Variants in TTL observed in about 807,000 individuals in gnomAD.
TTL encodes tubulin tyrosine ligase.
In TTL, 10 loss-of-function variants were observed where a neutral mutation model predicts 41.1. That is an observed-to-expected ratio of 0.24 (90% CI 0.15 to 0.41). The LOEUF (loss-of-function observed/expected upper bound fraction) is 0.41. Among genes scored for constraint, TTL ranks in the 10% least tolerant of loss-of-function variants. TTL has a pLI of 1.00. For synonymous variants in TTL, 175 were observed against 175.5 expected, an observed-to-expected ratio of 1.00 and a Z score of 0.02; for missense variants, 367 against 460.4, an observed-to-expected ratio of 0.80 and a Z score of 1.86.
rs1282713631 is a variant in TTL at position 112,531,431 on chromosome 2, C to T, written c.*2636C>T. 1 of 229,598 alleles carries T rather than the reference C, an allele frequency of 4.4e-6. No individual in the cohort carries two copies. The highest frequency in any genetic ancestry group is 8.6e-6 in the Non-Finnish European group (1 of 115,640). The allele number at this position is 229,598 out of a possible 1,614,324, so 14.2% of individuals were successfully genotyped here. On this transcript the variant is annotated 3_prime_UTR_variant, in exon 7 of 7. Coordinates refer to ENST00000233336, the MANE Select transcript of TTL (RefSeq NM_153712.5). ...AGATCATTGCCTGACCCAGGGACTA[C>T]CTCAAGGGCTTTTGATGAGGACAAG...
At chr2:112,509,352 G>A (rs1681859058) in intron 5 of TTL, among the ~76,000 whole-genome samples, 1 of 151,980 alleles carries the variant, frequency 6.6e-6, no homozygotes, top group African/African-American at 2.4e-5. Flanking sequence ...CCCAGTTCGA[G>A]CTTCCTGGCT....
chr2:112,516,517 T>TA (rs1397078049), intron 5 of TTL, among the ~76,000 whole-genome samples: 1 of 152,104 alleles, frequency 6.6e-6, no homozygotes, highest in Non-Finnish European at 1.5e-5. Flanking sequence ...CTACTAAAAA[T>TA]ACAAAAATTA....
intron 2 of TTL, among the ~76,000 whole-genome samples, chr2:112,488,289 A>G (rs1011624301): frequency 8.5e-5 from 13 of 152,186 alleles, no homozygotes; most frequent in Non-Finnish European, 1.6e-4. Context: ...TGGGCCCATG[A>G]GGAAATGGGA....
intron 2 of TTL, among the ~76,000 whole-genome samples, chr2:112,490,043 C>G (rs58956595): frequency 0.16 from 23,949 of 152,126 alleles, 2,179 homozygotes; most frequent in East Asian, 0.3. Flanking sequence ...TCTTCTGTTT[C>G]CATGAACTGG....
intron 2 of TTL, among the ~76,000 whole-genome samples, chr2:112,489,529 A>G (rs1681326535): frequency 6.6e-6 from 1 of 152,266 alleles, no homozygotes; most frequent in Non-Finnish European, 1.5e-5. Flanking sequence ...TTAGTTTGAT[A>G]CTGTAAATAT....
At position 112,528,946 on chromosome 2, in the gene TTL, G is replaced by T. The variant is rs1682437105; in HGVS notation, c.*151G>T. The T allele has an allele frequency of 1.5e-6, 1 of 665,150 alleles. No homozygotes were observed. The highest frequency in any genetic ancestry group is 2.7e-6 in the Non-Finnish European group (1 of 373,566). The allele number at this position is 665,150 out of a possible 1,614,324, so 41.2% of individuals were successfully genotyped here. ...GGAAGAAGGCACGTGAGCAGAGGAG[G>T]CAGCTCCCAAAGAGAGGGCTGCTCA... On this transcript the variant is annotated 3_prime_UTR_variant, in exon 7 of 7. Coordinates refer to ENST00000233336, the MANE Select transcript of TTL (RefSeq NM_153712.5).
intron 1 of TTL, 38 bp from the exon 2 acceptor site, chr2:112,485,879 G>A (rs1559009095): frequency 6.3e-7 from 1 of 1,580,054 alleles, no homozygotes; most frequent in East Asian, 2.2e-5. Context: ...TGCTTGCTGT[G>A]TCCTGTGTCC....
intron 3 of TTL, among the ~76,000 whole-genome samples, chr2:112,495,623 G>A (rs574452348): frequency 3.8e-4 from 58 of 152,198 alleles, no homozygotes; most frequent in African/African-American, 1.3e-3. Flanking sequence ...CGAGGCGGGC[G>A]GATCACAAGG....
At chr2:112,515,215 C>T (rs1040419009) in intron 5 of TTL, among the ~76,000 whole-genome samples, 1 of 152,076 alleles carries the variant, frequency 6.6e-6, no homozygotes, top group Admixed American at 6.6e-5. Flanking sequence ...CCAGAGTATG[C>T]CCTGTGTATG....
At chr2:112,520,518 G>C in intron 6 of TTL, 93 bp downstream of exon 6, 1 of 1,516,492 alleles carries the variant, frequency 6.6e-7, no homozygotes, top group Non-Finnish European at 9.0e-7. Flanking sequence ...TTTGACTGCT[G>C]TGAGGGAGGA....
intron 5 of TTL, among the ~76,000 whole-genome samples, chr2:112,510,619 G>A (rs1445572540): frequency 6.6e-6 from 1 of 151,896 alleles, no homozygotes; most frequent in Non-Finnish European, 1.5e-5. Flanking sequence ...TTACAGGCAT[G>A]TGCCACCATG....
At chr2:112,498,662 G>T (rs1681602827) in intron 3 of TTL, among the ~76,000 whole-genome samples, 1 of 151,730 alleles carries the variant, frequency 6.6e-6, no homozygotes, top group African/African-American at 2.4e-5. Flanking sequence ...CCAGCACTTT[G>T]GGAGGCCAAG....
chr2:112,528,679 A>G lies in TTL; in HGVS notation c.1020-2A>G. On this transcript the variant is annotated splice_acceptor_variant, in intron 6 of 6. Coordinates refer to ENST00000233336, the MANE Select transcript of TTL (RefSeq NM_153712.5). LOFTEE classifies it high-confidence loss of function. ...AATGATATTTTTAAAAACACATTTCAGGAAGCTCTATGCAGAACTGTGCCA... is the reference window on the plus strand; with the variant it reads ...AATGATATTTTTAAAAACACATTTCGGGAAGCTCTATGCAGAACTGTGCCA... 1 of 1,610,048 alleles carries G rather than the reference A, an allele frequency of 6.2e-7. No individual in the cohort carries two copies. Among genetic ancestry groups the G allele is most frequent in the Non-Finnish European group, 8.5e-7 (1 of 1,177,004 alleles).
Position 112,530,117 on chromosome 2 carries a change from C to T in TTL, c.*1322C>T, listed in dbSNP as rs11556139. The T allele has an allele frequency of 7.3e-4, 167 of 229,634 alleles. No individual in the cohort carries two copies. Among genetic ancestry groups the T allele is most frequent in the African/African-American group, 3.2e-3 (147 of 45,246 alleles). The allele number at this position is 229,634 out of a possible 1,614,324, so 14.2% of individuals were successfully genotyped here. A position where few individuals can be genotyped will look rare whatever the true frequency, so the allele number is the denominator to read the frequency against. ...CTGCCCTCCCCACCAGAACGTGCTA[C>T]GTTCTTTCTTCATGCCTATGTGTGC... On this transcript the variant is annotated 3_prime_UTR_variant, in exon 7 of 7. Transcript: ENST00000233336.
chr2:112,498,050 G>A (rs1366754911), intron 3 of TTL, among the ~76,000 whole-genome samples: 11 of 152,184 alleles, frequency 7.2e-5, no homozygotes, highest in South Asian at 4.1e-4. Context: ...TTAGCTGGGC[G>A]CAGTGGCTCA....
intron 5 of TTL, among the ~76,000 whole-genome samples, chr2:112,518,002 G>A (rs1327873521): frequency 6.6e-6 from 1 of 151,528 alleles, no homozygotes; most frequent in Admixed American, 6.6e-5. Context: ...CTGGAGTGCA[G>A]TGACATGATC....
chr2:112,494,428 T>C (rs942859994), intron 3 of TTL, 53 bp downstream of exon 3: 6 of 1,351,624 alleles, frequency 4.4e-6, no homozygotes, highest in Non-Finnish European at 6.2e-6. Context: ...GCTATTGTGA[T>C]GTATTTAGAT....
rs1333245930 is a variant in TTL at position 112,510,370 on chromosome 2, C to T, written c.875+7189C>T. 2.6e-5 allele frequency among the ~76,000 whole-genome samples: 4 copies of T among 152,088 alleles called. No individual in the cohort carries two copies. In the East Asian group the frequency reaches 7.7e-4, roughly 29 times the overall value. On this transcript the variant is annotated intron_variant, in intron 5 of 6. Coordinates refer to ENST00000233336, the MANE Select transcript of TTL (RefSeq NM_153712.5). ...TTTCAAGCTCCTGGGCTCAAGCAGCCCTCCCATCTTGATCTCCCAGAGTGC... is the reference window on the plus strand; with the variant it reads ...TTTCAAGCTCCTGGGCTCAAGCAGCTCTCCCATCTTGATCTCCCAGAGTGC...
intron 6 of TTL, chr2:112,521,320 G>C (rs563305906): frequency 1.0e-6 from 1 of 985,372 alleles, no homozygotes; most frequent in African/African-American, 1.7e-5. Context: ...GAGCGTCATG[G>C]AGTCATTAAG....
Sources: allele counts gnomAD v4.1 joint callset (sites outside exome capture counted in the v4.1 genomes callset), GRCh38; gene constraint gnomAD v4.1.1; transcripts MANE v1.5; gene names NCBI Gene and HGNC (gene_info 2026-07-23, HGNC 2026-07-21).